The following SPTBN2 variants were observed in gnomAD, a reference collection of about 807,000 sequenced individuals.
SPTBN2 encodes the protein spectrin beta chain, non-erythrocytic 2.
In SPTBN2, 107 loss-of-function variants were observed where a neutral mutation model predicts 284.2. The observed-to-expected ratio is 0.38, with a 90% CI of 0.32 to 0.44. The LOEUF (loss-of-function observed/expected upper bound fraction) is 0.44, where lower values mean the gene tolerates loss of function less well. SPTBN2 is among the 20% of genes least tolerant of loss of function. The probability of loss-of-function intolerance (pLI) is 1.00; values close to 1 mark genes in which losing one functional copy is unlikely to be tolerated. For synonymous variants in SPTBN2, 1,289 were observed against 1,354.8 expected, an observed-to-expected ratio of 0.95 and a Z score of 1.07; for missense variants, 2,569 against 3,287.1, an observed-to-expected ratio of 0.78 and a Z score of 5.34.
chr11:66,710,743 C>T lies in SPTBN2; in HGVS notation c.912G>A (p.Glu304=), dbSNP rs1459289345. Residue 304 remains glutamate (E), a synonymous_variant, in exon 10 of 38, where the codon GAG becomes GAA. Transcript: ENST00000533211. This position sits in a 1 kb window ranked among gnomAD's most constrained non-coding sequence, Gnocchi z 4.9. ...GGGACTCGTATTTCTCCACCAGGCGCTCTGCCTCCATGGCATGGTCCAGCA... is the reference window on the plus strand; with the variant it reads ...GGGACTCGTATTTCTCCACCAGGCGTTCTGCCTCCATGGCATGGTCCAGCA... ...GKVLDHAMEA[E]RLVEKYESLA... 3.1e-6 allele frequency: 5 copies of T among 1,614,128 alleles called. No homozygotes were observed. In the African/African-American group the frequency reaches 5.3e-5, roughly 17 times the overall value.
Position 66,701,692 on chromosome 11 carries a change from G to C in SPTBN2, c.2708C>G (p.Thr903Ser), listed in dbSNP as rs1941256765. 2 of 1,613,978 alleles carry C rather than the reference G, an allele frequency of 1.2e-6. No homozygotes were observed. The highest frequency in any genetic ancestry group is 2.2e-5 in the South Asian group (2 of 91,084). Reference protein sequence around the residue: ...RFETLEPEMNTLAAQITAVND... With the variant: ...RFETLEPEMNSLAAQITAVND... ...CACCGCGGTGATTTGTGCTGCAAGG[G>C]TGTTCATTTCAGGCTCCAGGGTCTC... Residue 903 changes from threonine to serine, a missense_variant, in exon 16 of 38, where the codon ACC becomes AGC. Thr to Ser is a moderately conservative substitution (Grantham distance 58, BLOSUM62 1). This residue lies in a region of SPTBN2 where 1,012 missense variants were observed against 1,248.9 expected (regional missense o/e 0.81). Transcript: ENST00000533211.
In SPTBN2 at chr11:66,705,373, C is replaced by T. The variant is rs1035435319; in HGVS notation, c.1903G>A (p.Ala635Thr). ...ALCELAAARR[A>T]RLEESRRLWR... The stretch of plus-strand genomic sequence containing the variant: ...AGCCGCCGTGATTCCTCCAGCCGGG[C>T]CCGCCGCGCCGCTGCCAACTCGCAC... Residue 635 changes from alanine (A) to threonine (T), a missense_variant, in exon 15 of 38, where the codon GCC (alanine) becomes ACC (threonine). Around this residue, in one of 6 missense-constraint regions of SPTBN2, gnomAD observed 1,012 missense variants for 1,248.9 expected, o/e 0.81. Coordinates refer to ENST00000533211, the MANE Select transcript of SPTBN2 (RefSeq NM_006946.4). 3 of 1,612,482 alleles carry T rather than the reference C, an allele frequency of 1.9e-6. No individual in the cohort carries two copies. Among genetic ancestry groups the T allele is most frequent in the African/African-American group, 2.7e-5 (2 of 74,930 alleles).
rs557038566 is a variant in SPTBN2, at chr11:66,683,308, C to T, written c.*2563G>A. 9.2e-5 allele frequency among the ~76,000 whole-genome samples: 14 copies of T among 152,178 alleles called. No homozygotes were observed. In the East Asian group the frequency reaches 1.5e-3, roughly 17 times the overall value. On this transcript the variant is annotated 3_prime_UTR_variant, in exon 38 of 38. Coordinates refer to ENST00000533211, the MANE Select transcript of SPTBN2 (RefSeq NM_006946.4). ...GTCTCGATCTCCTGACCTCGTGATC[C>T]GCCCGCCTCGGCCTCCCAAAGTGCT... is the stretch of plus-strand genomic sequence containing the variant.
chr11:66,736,020 A>C (rs1457212632), intron 1 of SPTBN2, among the ~76,000 whole-genome samples: 1 of 152,202 alleles, frequency 6.6e-6, no homozygotes, highest in African/African-American at 2.4e-5. Context: ...TAGACCATGA[A>C]GTCAGCTTGG....
At chr11:66,702,236 G>C (rs187339531) in intron 15 of SPTBN2, among the ~76,000 whole-genome samples, 1 of 152,174 alleles carries the variant, frequency 6.6e-6, no homozygotes, top group African/African-American at 2.4e-5. Flanking sequence ...GTGCAATCTC[G>C]ACTCACTGCA....
At chr11:66,722,058 A>T (rs554455448) in intron 1 of SPTBN2, among the ~76,000 whole-genome samples, 1 of 152,282 alleles carries the variant, frequency 6.6e-6, no homozygotes, top group South Asian at 2.1e-4. Flanking sequence ...TACGCCAGGA[A>T]GACTGACACA....
At chr11:66,698,896 G>C in intron 19 of SPTBN2, 96 bp downstream of exon 19, 1 of 1,597,662 alleles carries the variant, frequency 6.3e-7, no homozygotes, top group Non-Finnish European at 8.6e-7. Context: ...GCCATGAAGG[G>C]GCTCACAGTC....
chr11:66,743,112 C>T (rs1306885710), intron 1 of SPTBN2, among the ~76,000 whole-genome samples: 1 of 118,598 alleles, frequency 8.4e-6, no homozygotes, highest in Non-Finnish European at 1.7e-5. Flanking sequence ...GGACAAGAGA[C>T]TGGGGGTGGG....
In SPTBN2 at chr11:66,736,888, TG is replaced by T. The variant is rs544893664; in HGVS notation, c.-475+7653del. Among the ~76,000 whole-genome samples the T allele has an allele frequency of 2.6e-5, 4 of 152,380 alleles. No homozygotes were observed. In the East Asian group the frequency reaches 7.7e-4, roughly 29 times the overall value. Reference sequence around the variant, plus strand: ...TAGTAGCTAGTCATGTCAACTACTATGGCTTCTGAAACTTCCAGGGTGTGAA... The same window carrying T: ...TAGTAGCTAGTCATGTCAACTACTATGCTTCTGAAACTTCCAGGGTGTGAA... On this transcript the variant is annotated intron_variant, in intron 1 of 37. Transcript: ENST00000611817.
intron 1 of SPTBN2, among the ~76,000 whole-genome samples, chr11:66,722,205 C>G (rs1942439685): frequency 6.6e-6 from 1 of 152,184 alleles, no homozygotes; most frequent in Non-Finnish European, 1.5e-5. Context: ...CATTGACATG[C>G]ATCACGTCAC....
chr11:66,697,787 G>A (rs1393511949), intron 20 of SPTBN2, among the ~76,000 whole-genome samples: 1 of 152,178 alleles, frequency 6.6e-6, no homozygotes, highest in Non-Finnish European at 1.5e-5. Flanking sequence ...CCTGGCTACA[G>A]TGTTGTTCCT....
chr11:66,736,304 G>A (rs1026333449), intron 1 of SPTBN2, among the ~76,000 whole-genome samples: 17 of 152,166 alleles, frequency 1.1e-4, no homozygotes, highest in African/African-American at 3.4e-4. Flanking sequence ...AAGTAGAACC[G>A]ATTTGAGAAC....
At chr11:66,719,059 G>A (rs1287469769) in intron 3 of SPTBN2, among the ~76,000 whole-genome samples, 1 of 152,252 alleles carries the variant, frequency 6.6e-6, no homozygotes, top group African/African-American at 2.4e-5. Flanking sequence ...GAACAGCGAG[G>A]GCGACCCCTC....
rs1941487546 is a variant in SPTBN2, at chr11:66,705,396, C to T, written c.1880G>A (p.Cys627Tyr). 1 of 1,613,002 alleles carries T rather than the reference C, an allele frequency of 6.2e-7. No individual in the cohort carries two copies. Among genetic ancestry groups the T allele is most frequent in the South Asian group, 1.1e-5 (1 of 91,088 alleles). ...AKLEQSYEAL[C>Y]ELAAARRARL... ...GGCCCGCCGCGCCGCTGCCAACTCGCACAGTGCCTCATAGCTCTGCTCTAG... is the reference window on the plus strand; with the variant it reads ...GGCCCGCCGCGCCGCTGCCAACTCGTACAGTGCCTCATAGCTCTGCTCTAG... The change falls in exon 15 of 38, where the codon TGC (cysteine) becomes TAC (tyrosine). Residue 627 changes from cysteine (C) to tyrosine (Y), a missense_variant. By Grantham distance (194) the Cys-to-Tyr change is radical (BLOSUM62 -2). Coordinates refer to ENST00000533211, the MANE Select transcript of SPTBN2 (RefSeq NM_006946.4).
rs1940619680 is a variant in SPTBN2, at chr11:66,692,401, G to C, written c.5190+135C>G. On this transcript the variant is annotated intron_variant, in intron 26 of 37. Coordinates refer to ENST00000533211, the MANE Select transcript of SPTBN2 (RefSeq NM_006946.4). Reference sequence around the variant, plus strand: ...CTTCAAATCATATACCTCAAAACCAGGAGGACAGTGCCTGCTCAGCCTGGT... The same window carrying C: ...CTTCAAATCATATACCTCAAAACCACGAGGACAGTGCCTGCTCAGCCTGGT... 3 of 1,026,400 alleles carry C rather than the reference G, an allele frequency of 2.9e-6. No homozygotes were observed. The Admixed American group carries it at 5.8e-5, about 20-fold the overall frequency. 63.6% of individuals were successfully genotyped at this position (1,026,400 alleles called of 1,614,324 possible). A position where few individuals can be genotyped will look rare whatever the true frequency, so the allele number is the denominator to read the frequency against.
At position 66,691,224 on chromosome 11, in the gene SPTBN2, C is replaced by T. The variant is rs1191300353; in HGVS notation, c.5565+60G>A. On this transcript the variant is annotated intron_variant, in intron 27 of 37. Coordinates refer to ENST00000533211, the MANE Select transcript of SPTBN2 (RefSeq NM_006946.4). This position sits in a 1 kb window ranked among gnomAD's most constrained non-coding sequence, Gnocchi z 8.0. ...CTACCCTAGCTCCTGGGAACTCTCC[C>T]CGGCATTTCCCCCATGGCCTCCTCT... The T allele has an allele frequency of 6.7e-6, 10 of 1,500,306 alleles. No homozygotes were observed. The highest frequency in any genetic ancestry group is 8.0e-6 in the Non-Finnish European group (9 of 1,124,062). The allele number at this position is 1,500,306 out of a possible 1,614,324, so 92.9% of individuals were successfully genotyped here.
chr11:66,720,800 T>C (rs1309896273), intron 3 of SPTBN2, among the ~76,000 whole-genome samples: 2 of 152,032 alleles, frequency 1.3e-5, no homozygotes, highest in African/African-American at 4.8e-5. Context: ...TGAAGGGACA[T>C]GACCCGGGGG....
rs1590957216 is a variant in SPTBN2 at position 66,709,170 on chromosome 11, A to G, written c.1074-151T>C. 1.0e-5 allele frequency: 7 copies of G among 687,902 alleles called. No individual in the cohort carries two copies. The East Asian group carries it at 1.9e-4, about 18-fold the overall frequency. 42.6% of individuals were successfully genotyped at this position (687,902 alleles called of 1,614,324 possible). A position where few individuals can be genotyped will look rare whatever the true frequency, so the allele number is the denominator to read the frequency against. On this transcript the variant is annotated intron_variant, in intron 10 of 37. Transcript: ENST00000533211. The stretch of plus-strand genomic sequence containing the variant: ...GGAAGCCAGAAAATATGGGCTAACC[A>G]AAAGAACATCATTTTATTTTATTTT...
At chr11:66,713,890 GC>G (rs1942009672) in intron 7 of SPTBN2, 144 bp from the exon 8 acceptor site, 3 of 866,028 alleles carry the variant, frequency 3.5e-6, no homozygotes, top group Non-Finnish European at 5.7e-6. Context: ...GCTGCTCACA[GC>G]CCCTCCCCAC....
Sources: allele counts gnomAD v4.1 joint callset (sites outside exome capture counted in the v4.1 genomes callset), GRCh38; gene constraint gnomAD v4.1.1; regional missense constraint gnomAD v4.1.1; non-coding constraint Gnocchi (gnomAD v3.1); transcripts MANE v1.5; gene names NCBI Gene and HGNC (gene_info 2026-07-23, HGNC 2026-07-21).